The following PANK3 variants were observed in gnomAD, a reference collection of about 807,000 sequenced individuals.
PANK3 encodes the protein pantothenate kinase 3, also known as hPanK3.
In PANK3, 20 loss-of-function variants were observed where a neutral mutation model predicts 39.4. That is an observed-to-expected ratio of 0.51 (90% CI 0.36 to 0.74). PANK3 has a LOEUF of 0.74. Among genes scored for constraint, PANK3 ranks in the 30% least tolerant of loss-of-function variants. The pLI is 0.00. For missense variants in PANK3, 265 were observed against 437.0 expected (o/e 0.61, Z 3.51); for synonymous variants, 140 against 157.3 (o/e 0.89, Z 0.82).
At chr5:168,578,219 A>C (rs2113042835) in intron 1 of PANK3, among the ~76,000 whole-genome samples, 1 of 152,372 alleles carries the variant, frequency 6.6e-6, no homozygotes, top group South Asian at 2.1e-4. Flanking sequence ...TGTGAAGTTA[A>C]GACCAAATTA....
chr5:168,563,048 T>C (rs1307176448), intron 4 of PANK3, among the ~76,000 whole-genome samples: 2 of 152,032 alleles, frequency 1.3e-5, no homozygotes, highest in Non-Finnish European at 2.9e-5. Context: ...AATGAAAGCA[T>C]GATCTGTAAC....
intron 6 of PANK3, among the ~76,000 whole-genome samples, chr5:168,558,105 C>T (rs938636205): frequency 1.3e-5 from 2 of 151,036 alleles, no homozygotes; most frequent in Non-Finnish European, 3.0e-5. Context: ...CACAAGGGCA[C>T]ACCATTCTGA....
rs1424049341 is a variant in PANK3 at position 168,568,977 on chromosome 5, T to C, written c.50A>G (p.Asp17Gly). 6.8e-7 allele frequency: 1 copy of C among 1,464,002 alleles called. No individual in the cohort carries two copies. The highest frequency in any genetic ancestry group is 2.0e-5 in the Admixed American group (1 of 49,892). 90.7% of individuals were successfully genotyped at this position (1,464,002 alleles called of 1,614,324 possible). A position where few individuals can be genotyped will look rare whatever the true frequency, so the allele number is the denominator to read the frequency against. ...GAGCTTTACTAGAGTTCCCCCAATGTCCATGCCAAACCATGGGAAAGCTAT... is the reference window on the plus strand; with the variant it reads ...GAGCTTTACTAGAGTTCCCCCAATGCCCATGCCAAACCATGGGAAAGCTAT... ...KKPSFPWFGM[D>G]IGGTLVKLSY... Residue 17 changes from aspartate to glycine, a missense_variant, in exon 2 of 7, where the codon GAC becomes GGC. Around this residue, in one of 3 missense-constraint regions of PANK3, gnomAD observed 154 missense variants for 256.8 expected, o/e 0.60. Coordinates refer to ENST00000239231, the MANE Select transcript of PANK3 (RefSeq NM_024594.4).
In PANK3 at chr5:168,557,041, C is replaced by T. The variant is rs1329059973; in HGVS notation, c.*530G>A. 6.5e-6 allele frequency: 1 copy of T among 152,712 alleles called. No homozygotes were observed. The highest frequency in any genetic ancestry group is 1.5e-5 in the Non-Finnish European group (1 of 68,042). 9.5% of individuals were successfully genotyped at this position (152,712 alleles called of 1,614,324 possible). A position where few individuals can be genotyped will look rare whatever the true frequency, so the allele number is the denominator to read the frequency against. The stretch of plus-strand genomic sequence containing the variant: ...GATACTAATGGGGAAAGATCACATA[C>T]ATGCTTTGGGTGATACGTTAAAAAA... On this transcript the variant is annotated 3_prime_UTR_variant, in exon 7 of 7. Coordinates refer to ENST00000239231, the MANE Select transcript of PANK3 (RefSeq NM_024594.4).
chr5:168,554,147 T>C lies in PANK3; in HGVS notation c.*3424A>G, dbSNP rs1404114613. On this transcript the variant is annotated 3_prime_UTR_variant, in exon 7 of 7. Transcript: ENST00000239231. ...GTATTTTTGATAGTGATTACAAAGT[T>C]TTTCAGATTTTTATGTTGGCAAGTT... 6.6e-6 allele frequency: 1 copy of C among 152,192 alleles called. No homozygotes were observed. The highest frequency in any genetic ancestry group is 1.5e-5 in the Non-Finnish European group (1 of 68,026). 9.4% of individuals were successfully genotyped at this position (152,192 alleles called of 1,614,324 possible).
rs954261704 is a variant in PANK3 at position 168,551,305 on chromosome 5, G to C, written c.*6266C>G. ...GATACCTCATGGCAGATCACTTTAA[G>C]TGAGGTCAGAGAGTATTATCACAAA... is the stretch of plus-strand genomic sequence containing the variant. On this transcript the variant is annotated 3_prime_UTR_variant, in exon 7 of 7. Coordinates refer to ENST00000239231, the MANE Select transcript of PANK3 (RefSeq NM_024594.4). The C allele has an allele frequency of 5.3e-5, 8 of 152,134 alleles. No individual in the cohort carries two copies. Among genetic ancestry groups the C allele is most frequent in the Admixed American group, 2.6e-4 (4 of 15,278 alleles). The allele number at this position is 152,134 out of a possible 1,614,324, so 9.4% of individuals were successfully genotyped here.
chr5:168,553,281 C>T lies in PANK3; in HGVS notation c.*4290G>A, dbSNP rs77829248. 133 of 530,352 alleles carry T rather than the reference C, an allele frequency of 2.5e-4. 2 individuals are homozygous for T. In the East Asian group the frequency reaches 6.8e-3, roughly 27 times the overall value. 32.9% of individuals were successfully genotyped at this position (530,352 alleles called of 1,614,324 possible). A position where few individuals can be genotyped will look rare whatever the true frequency, so the allele number is the denominator to read the frequency against. On this transcript the variant is annotated 3_prime_UTR_variant, in exon 7 of 7. Transcript: ENST00000239231. ...TAAAGGTACCCCAAAGGGGAGTAGG[C>T]GAGATCTCTCCAATGTACATGGGCA...
Position 168,549,104 on chromosome 5 carries a change from T to C in PANK3, c.*8467A>G, listed in dbSNP as rs921899608. The stretch of plus-strand genomic sequence containing the variant: ...TTAAAAAATCAGTTTTTTGCTGTAG[T>C]TTAAATAAAAAGTAAAAGCACACAG... On this transcript the variant is annotated 3_prime_UTR_variant, in exon 7 of 7. Coordinates refer to ENST00000239231, the MANE Select transcript of PANK3 (RefSeq NM_024594.4). 2.6e-5 allele frequency: 4 copies of C among 152,170 alleles called. No homozygotes were observed. Among genetic ancestry groups the C allele is most frequent in the African/African-American group, 9.6e-5 (4 of 41,452 alleles). The allele number at this position is 152,170 out of a possible 1,614,324, so 9.4% of individuals were successfully genotyped here.
intron 4 of PANK3, among the ~76,000 whole-genome samples, chr5:168,563,259 T>C (rs1295355571): frequency 2.0e-5 from 3 of 151,934 alleles, no homozygotes; most frequent in African/African-American, 7.3e-5. Flanking sequence ...AACAGAAAAG[T>C]AGAACATGAA....
At position 168,553,443 on chromosome 5, in the gene PANK3, C is replaced by A; in HGVS notation, c.*4128G>T. 2.5e-6 allele frequency: 1 copy of A among 407,304 alleles called. No homozygotes were observed. The allele number at this position is 407,304 out of a possible 1,614,324, so 25.2% of individuals were successfully genotyped here. On this transcript the variant is annotated 3_prime_UTR_variant, in exon 7 of 7. Transcript: ENST00000239231. ...ACAAATTATGATAAGCATTGAACTG[C>A]ACCTGCCAAAGTGGTTGACAAAGAG...
At chr5:168,563,811 T>C (rs1759481766) in intron 4 of PANK3, 78 bp downstream of exon 4, 1 of 1,341,704 alleles carries the variant, frequency 7.5e-7, no homozygotes, top group South Asian at 1.6e-5. Context: ...CAACTTTCTG[T>C]TACATTGCTT....
At chr5:168,569,030 AATAT>A (rs766705356) in intron 1 of PANK3, 32 bp from the exon 2 acceptor site, 13 of 120,312 alleles carry the variant, frequency 1.1e-4, no homozygotes, top group South Asian at 2.8e-4. Flanking sequence ...AAAAAAAAAA[AATAT>A]ATATATATAT....
intron 4 of PANK3, 145 bp from the exon 5 acceptor site, chr5:168,561,661 C>A: frequency 1.7e-6 from 1 of 584,416 alleles, no homozygotes; most frequent in Non-Finnish European, 2.6e-6. Context: ...AACAAACTAA[C>A]AAAAAAAATC....
At chr5:168,558,633 C>A (rs1020565675) in intron 6 of PANK3, among the ~76,000 whole-genome samples, 1 of 151,994 alleles carries the variant, frequency 6.6e-6, no homozygotes, top group Non-Finnish European at 1.5e-5. Context: ...TAAATGAATA[C>A]AAAAAAATCT....
Position 168,556,205 on chromosome 5 carries a change from C to A in PANK3, c.*1366G>T, listed in dbSNP as rs1285077916. The A allele has an allele frequency of 6.6e-6, 1 of 152,118 alleles. No individual in the cohort carries two copies. Among genetic ancestry groups the A allele is most frequent in the African/African-American group, 2.4e-5 (1 of 41,386 alleles). 9.4% of individuals were successfully genotyped at this position (152,118 alleles called of 1,614,324 possible). ...AAGAGCATGGTGGCCTCTTGGGGTC[C>A]CTTGATGGGGGCTGTTGGGAAGTGG... On this transcript the variant is annotated 3_prime_UTR_variant, in exon 7 of 7. Transcript: ENST00000239231.
chr5:168,553,340 TA>T lies in PANK3; in HGVS notation c.*4230del. 1 of 514,578 alleles carries T rather than the reference TA, an allele frequency of 1.9e-6. No homozygotes were observed. The highest frequency in any genetic ancestry group is 2.1e-5 in the Admixed American group (1 of 46,776). The allele number at this position is 514,578 out of a possible 1,614,324, so 31.9% of individuals were successfully genotyped here. A position where few individuals can be genotyped will look rare whatever the true frequency, so the allele number is the denominator to read the frequency against. On this transcript the variant is annotated 3_prime_UTR_variant, in exon 7 of 7. Coordinates refer to ENST00000239231, the MANE Select transcript of PANK3 (RefSeq NM_024594.4). Reference sequence around the variant, plus strand: ...GTGCAGAGTCCGCATTACAAGCCAGTAATCTAGTGGCCCAGGATCAGCATTT... The same window carrying T: ...GTGCAGAGTCCGCATTACAAGCCAGTATCTAGTGGCCCAGGATCAGCATTT...
intron 3 of PANK3, 31 bp from the exon 4 acceptor site, chr5:168,564,096 C>G (rs1346009790): frequency 1.3e-6 from 2 of 1,533,356 alleles, no homozygotes; most frequent in Non-Finnish European, 8.8e-7. Context: ...TGCTAAGTTG[C>G]ATTTATACAT....
At chr5:168,560,320 T>C (rs1252547076) in intron 5 of PANK3, among the ~76,000 whole-genome samples, 1 of 152,204 alleles carries the variant, frequency 6.6e-6, no homozygotes, top group Non-Finnish European at 1.5e-5. Flanking sequence ...CTCCCCAAAA[T>C]GTCTACATGC....
At position 168,548,805 on chromosome 5, in the gene PANK3, T is replaced by A. The variant is rs1445602050; in HGVS notation, c.*8766A>T. The A allele has an allele frequency of 1.3e-5, 2 of 152,216 alleles. No individual in the cohort carries two copies. Among genetic ancestry groups the A allele is most frequent in the African/African-American group, 4.8e-5 (2 of 41,450 alleles). 9.4% of individuals were successfully genotyped at this position (152,216 alleles called of 1,614,324 possible). ...TAATTTACAAGAAATGTTTTACAGA[T>A]TACAATAGGCTATAACTTAGTTTAT... On this transcript the variant is annotated 3_prime_UTR_variant, in exon 7 of 7. Transcript: ENST00000239231.
Sources: gnomAD v4.1 joint callset for allele counts (sites outside exome capture counted in the v4.1 genomes callset) on GRCh38, gnomAD v4.1.1 for gene constraint, gnomAD v4.1.1 regional missense constraint, MANE v1.5 for transcripts, NCBI Gene and HGNC (gene_info 2026-07-23, HGNC 2026-07-21) for gene names.